The following RBFOX1 variants were observed in gnomAD, a reference collection of about 807,000 sequenced individuals.
RBFOX1 encodes the protein RNA binding protein fox-1 homolog 1.
Under a neutral mutation model 57.7 loss-of-function variants are expected in RBFOX1, and 8 were observed. The ratio of observed to expected loss-of-function variants is 0.14; its 90% confidence interval spans 0.08 to 0.25. The LOEUF is 0.25. Ranked by LOEUF, RBFOX1 falls within the 10% of genes least tolerant of loss-of-function variation. The probability of loss-of-function intolerance (pLI) is 1.00; values close to 1 mark genes in which losing one functional copy is unlikely to be tolerated. For synonymous variants in RBFOX1, 326 were observed against 222.4 expected (o/e 1.47, Z -4.15); for missense variants, 611 against 548.5 (o/e 1.11, Z -1.14).
intron 2 of RBFOX1, among the ~76,000 whole-genome samples, chr16:6,645,696 T>G (rs1447147750): frequency 6.6e-6 from 1 of 152,190 alleles, no homozygotes; most frequent in Non-Finnish European, 1.5e-5. Flanking sequence ...AAGTTCTCAA[T>G]GCTTCAATCA....
intron 11 of RBFOX1, among the ~76,000 whole-genome samples, chr16:7,643,464 T>C (rs995453909): frequency 6.6e-6 from 1 of 152,254 alleles, no homozygotes; most frequent in Non-Finnish European, 1.5e-5. Context: ...AGGTTTCTTA[T>C]GCAGATCTTC....
chr16:6,117,383 C>T (rs1348777045), intron 1 of RBFOX1, among the ~76,000 whole-genome samples: 1 of 152,218 alleles, frequency 6.6e-6, no homozygotes, highest in African/African-American at 2.4e-5. Flanking sequence ...GAACTAATAA[C>T]AATTATGTTC....
At chr16:6,334,902 TG>T (rs2083447290) in intron 2 of RBFOX1, among the ~76,000 whole-genome samples, 1 of 152,196 alleles carries the variant, frequency 6.6e-6, no homozygotes. Context: ...TTCTGGAGAC[TG>T]GATCTACTTG....
chr16:7,028,894 G>C (rs1031850991), intron 3 of RBFOX1, among the ~76,000 whole-genome samples: 5 of 151,004 alleles, frequency 3.3e-5, no homozygotes, highest in Non-Finnish European at 7.4e-5. Context: ...CTGCCACTCA[G>C]CTATGTGTTG....
chr16:7,301,701 T>A (rs1382858224), intron 4 of RBFOX1, among the ~76,000 whole-genome samples: 1 of 152,104 alleles, frequency 6.6e-6, no homozygotes, highest in African/African-American at 2.4e-5. Context: ...AAAAATTCTC[T>A]CCTCTTCTTG....
Position 6,651,006 on chromosome 16 carries a change from G to A in RBFOX1, c.-63-3597G>A, listed in dbSNP as rs146767552. 8.4e-3 allele frequency among the ~76,000 whole-genome samples: 1,278 copies of A among 152,268 alleles called. 22 individuals are homozygous for A. Among genetic ancestry groups the A allele is most frequent in the African/African-American group, 0.029 (1,186 of 41,562 alleles). ...CATCCTCCGCCTTCCCGGTTCAAGT[G>A]ATTCTCTTGTCTCAGCCTCCTGAGT... On this transcript the variant is annotated intron_variant, in intron 2 of 15. Transcript: ENST00000550418.
At chr16:5,564,231 T>C (rs1389967083) in intron 2 of RBFOX1, among the ~76,000 whole-genome samples, 4 of 152,084 alleles carry the variant, frequency 2.6e-5, no homozygotes, top group Non-Finnish European at 4.4e-5. Context: ...TTGGCCAGGC[T>C]GGTCTTGAAC....
intron 3 of RBFOX1, among the ~76,000 whole-genome samples, chr16:5,813,900 T>C (rs1187044187): frequency 1.3e-5 from 2 of 152,246 alleles, no homozygotes; most frequent in African/African-American, 4.8e-5. Context: ...CCTGGAATTA[T>C]AATAGATGAA....
intron 4 of RBFOX1, among the ~76,000 whole-genome samples, chr16:7,175,556 A>G (rs954406647): frequency 2.6e-5 from 4 of 152,174 alleles, no homozygotes. Flanking sequence ...AGGTAGGCAC[A>G]TAGGGCTCAT....
At chr16:5,715,120 C>G (rs145791081) in intron 3 of RBFOX1, among the ~76,000 whole-genome samples, 2,101 of 152,322 alleles carry the variant, frequency 0.014, 24 homozygotes, top group Non-Finnish European at 0.021. Flanking sequence ...TTACATTTAG[C>G]CATTTTGCCT....
intron 3 of RBFOX1, among the ~76,000 whole-genome samples, chr16:5,717,697 C>A (rs2051763617): frequency 6.6e-6 from 1 of 152,188 alleles, no homozygotes; most frequent in Non-Finnish European, 1.5e-5. Context: ...TATATCATTT[C>A]AACACAGCAC....
At chr16:6,941,461 A>G (rs990509300) in intron 3 of RBFOX1, among the ~76,000 whole-genome samples, 4 of 151,980 alleles carry the variant, frequency 2.6e-5, no homozygotes, top group African/African-American at 9.6e-5. Context: ...GTCCTCTAAC[A>G]TACTGTAAAA....
At chr16:5,702,258 G>T (rs866944780) in intron 3 of RBFOX1, among the ~76,000 whole-genome samples, 1 of 152,196 alleles carries the variant, frequency 6.6e-6, no homozygotes, top group Non-Finnish European at 1.5e-5. Flanking sequence ...TGAATGGGAA[G>T]CAAGCCCCTT....
At chr16:6,598,957 AAAACAAAAC>A in intron 2 of RBFOX1, among the ~76,000 whole-genome samples, 1 of 133,688 alleles carries the variant, frequency 7.5e-6, no homozygotes, top group South Asian at 2.1e-4. Flanking sequence ...AAAACAAAAC[AAAACAAAAC>A]AAACTCCTCT....
At chr16:5,759,296 G>T (rs1434987984) in intron 3 of RBFOX1, among the ~76,000 whole-genome samples, 1 of 152,196 alleles carries the variant, frequency 6.6e-6, no homozygotes, top group Non-Finnish European at 1.5e-5. Context: ...TACACATGCT[G>T]TTTGCCCATA....
chr16:6,485,523 A>T (rs2095459166), intron 2 of RBFOX1, among the ~76,000 whole-genome samples: 1 of 149,710 alleles, frequency 6.7e-6, no homozygotes, highest in Non-Finnish European at 1.5e-5. Flanking sequence ...ACGCTGGAGG[A>T]TCACCAGAGC....
At chr16:7,226,396 A>C (rs989220465) in intron 4 of RBFOX1, among the ~76,000 whole-genome samples, 10 of 152,110 alleles carry the variant, frequency 6.6e-5, no homozygotes, top group African/African-American at 2.4e-4. Flanking sequence ...GTAAGGGACT[A>C]ATGTCCACTA....
At chr16:6,932,678 C>G (rs1018983866) in intron 3 of RBFOX1, among the ~76,000 whole-genome samples, 3 of 152,160 alleles carry the variant, frequency 2.0e-5, no homozygotes, top group Admixed American at 1.3e-4. Flanking sequence ...CTGAAGTGCT[C>G]AAACACATGT....
rs1390663006 is a variant in RBFOX1, at chr16:5,783,957, G to C, written c.319-83346G>C. ...CCAAGGTTTTGGTATTAGGAGGTAA[G>C]TATATTCATCCATTCTTACCTTGCT... On this transcript the variant is annotated intron_variant, in intron 3 of 19. Transcript: ENST00000641259. Among the ~76,000 whole-genome samples, 3 of 152,186 alleles carry C rather than the reference G, an allele frequency of 2.0e-5. No individual in the cohort carries two copies. The South Asian group carries it at 6.2e-4, about 32-fold the overall frequency.
Sources: allele counts gnomAD v4.1 joint callset (sites outside exome capture counted in the v4.1 genomes callset), GRCh38; gene constraint gnomAD v4.1.1; transcripts MANE v1.5; gene names NCBI Gene and HGNC (gene_info 2026-07-23, HGNC 2026-07-21).